Variants in SHISAL2A observed in about 807,000 individuals in gnomAD.
SHISAL2A encodes the protein shisa like 2A.
SHISAL2A carries 18 observed loss-of-function variants against 11.5 expected under a neutral mutation model. The ratio of observed to expected loss-of-function variants is 1.57; its 90% CI spans 1.08 to 2.33. The LOEUF (loss-of-function observed/expected upper bound fraction) is 2.33, where lower values mean the gene tolerates loss of function less well. Ranked by LOEUF, SHISAL2A falls within the 30% of genes most tolerant of loss-of-function variation. SHISAL2A has a pLI of 0.00. For synonymous variants in SHISAL2A, 94 were observed against 99.6 expected, an observed-to-expected ratio of 0.94 and a Z score of 0.34; for missense variants, 261 against 250.9, an observed-to-expected ratio of 1.04 and a Z score of -0.27.
upstream of SHISAL2A, among the ~76,000 whole-genome samples, chr1:52,633,122 G>T (rs892653290): frequency 2.6e-5 from 4 of 152,312 alleles, no homozygotes; most frequent in Admixed American, 6.5e-5. This position sits in a 1 kb window ranked among gnomAD's most constrained non-coding sequence, Gnocchi z 6.4. Flanking sequence ...CAGCGCCCTC[G>T]TGCAGGCAGG....
At chr1:52,653,639 A>C (rs1453051746) in intron 2 of SHISAL2A, among the ~76,000 whole-genome samples, 2 of 152,160 alleles carry the variant, frequency 1.3e-5, no homozygotes, top group African/African-American at 2.4e-5. Flanking sequence ...CAAAAAAAAA[A>C]CTACAAAATG....
At chr1:52,653,929 G>A (rs1269919561) in intron 2 of SHISAL2A, among the ~76,000 whole-genome samples, 1 of 152,046 alleles carries the variant, frequency 6.6e-6, no homozygotes, top group African/African-American at 2.4e-5. Context: ...AGTAGTAACC[G>A]AGATCCAGAG....
intron 2 of SHISAL2A, among the ~76,000 whole-genome samples, chr1:52,653,460 AAAAAAAAG>A (rs1571696019): frequency 6.6e-6 from 1 of 151,576 alleles, no homozygotes; most frequent in African/African-American, 2.4e-5. Context: ...ACTCTGTCTC[AAAAAAAAG>A]AAAACTACAA....
chr1:52,645,747 G>T (rs536431239), intron 2 of SHISAL2A, among the ~76,000 whole-genome samples: 9 of 152,198 alleles, frequency 5.9e-5, no homozygotes, highest in Non-Finnish European at 1.2e-4. Flanking sequence ...AGACATAAAA[G>T]AACCTGACTA....
chr1:52,667,808 AT>A (rs1163075673), intron 5 of SHISAL2A: 3 of 152,236 alleles, frequency 2.0e-5, no homozygotes, highest in African/African-American at 4.8e-5. Flanking sequence ...GCCCCTTTGC[AT>A]CCTTTCTGCT....
At chr1:52,645,149 G>A (rs887688611) in intron 2 of SHISAL2A, among the ~76,000 whole-genome samples, 5 of 152,048 alleles carry the variant, frequency 3.3e-5, no homozygotes, top group Non-Finnish European at 7.4e-5. Context: ...TTGTAAACAC[G>A]AATTTTCCAA....
chr1:52,637,130 C>T (rs1412231367), intron 1 of SHISAL2A, among the ~76,000 whole-genome samples: 1 of 152,156 alleles, frequency 6.6e-6, no homozygotes, highest in African/African-American at 2.4e-5. Context: ...TCTGGGGTAA[C>T]ATCCCATGTC....
intron 4 of SHISAL2A, among the ~76,000 whole-genome samples, chr1:52,665,577 A>G (rs1017500751): frequency 3.9e-5 from 6 of 152,052 alleles, no homozygotes; most frequent in African/African-American, 1.4e-4. Context: ...TTCATTACAC[A>G]TTTTTCTTCC....
At chr1:52,647,863 G>T (rs1377203132) in intron 2 of SHISAL2A, among the ~76,000 whole-genome samples, 1 of 148,752 alleles carries the variant, frequency 6.7e-6, no homozygotes, top group Non-Finnish European at 1.5e-5. Context: ...AAGAAAAAAA[G>T]AAAAATCTTT....
chr1:52,638,935 G>T (rs1253084093), intron 1 of SHISAL2A, among the ~76,000 whole-genome samples: 1 of 152,228 alleles, frequency 6.6e-6, no homozygotes, highest in Non-Finnish European at 1.5e-5. Flanking sequence ...GGCCAGGATA[G>T]CCAAGGCGGG....
chr1:52,664,513 G>A (rs533284437), intron 4 of SHISAL2A, among the ~76,000 whole-genome samples: 8 of 150,790 alleles, frequency 5.3e-5, no homozygotes, highest in Non-Finnish European at 1.2e-4. Flanking sequence ...GTGCCACCAT[G>A]CCCGGCTAAT....
rs779462327 is a variant in SHISAL2A, at chr1:52,633,595, C to T, written c.102C>T (p.Cys34=). The T allele has an allele frequency of 3.1e-6, 5 of 1,612,160 alleles. No individual in the cohort carries two copies. Among genetic ancestry groups the T allele is most frequent in the Non-Finnish European group, 4.2e-6 (5 of 1,179,306 alleles). The part of the protein sequence containing the change: ...PGGEAAAVFC[C]GFRDHKYCCD... ...GCGAGGCGGCCGCTGTCTTCTGCTGCGGCTTCCGCGACCACAAGTACTGCT... is the reference window on the plus strand; with the variant it reads ...GCGAGGCGGCCGCTGTCTTCTGCTGTGGCTTCCGCGACCACAAGTACTGCT... The change falls in exon 1 of 3, where the codon TGC becomes TGT. Residue 34 remains cysteine, a synonymous_variant. Coordinates refer to ENST00000517870, the MANE Select transcript of SHISAL2A (RefSeq NM_001042693.3). This position sits in a 1 kb window ranked among gnomAD's most constrained non-coding sequence, Gnocchi z 6.4.
chr1:52,662,226 C>T (rs1046730888), intron 4 of SHISAL2A, among the ~76,000 whole-genome samples: 4 of 152,104 alleles, frequency 2.6e-5, no homozygotes, highest in African/African-American at 9.7e-5. Context: ...AGTCTGGAAG[C>T]CTTCATGGAG....
At chr1:52,651,249 T>C (rs1341481295) in intron 2 of SHISAL2A, among the ~76,000 whole-genome samples, 3 of 152,140 alleles carry the variant, frequency 2.0e-5, no homozygotes, top group African/African-American at 4.8e-5. Flanking sequence ...TGTTTTTTGT[T>C]TTTTTTGAGA....
chr1:52,657,524 A>C (rs185284909), downstream of SHISAL2A, among the ~76,000 whole-genome samples: 1 of 152,052 alleles, frequency 6.6e-6, no homozygotes, highest in Non-Finnish European at 1.5e-5. Flanking sequence ...GCGTCATTCT[A>C]TTTCTTAGGT....
At chr1:52,640,324 G>A (rs746076229) in intron 1 of SHISAL2A, among the ~76,000 whole-genome samples, 2 of 152,100 alleles carry the variant, frequency 1.3e-5, no homozygotes, top group Non-Finnish European at 2.9e-5. Flanking sequence ...GAGAAGAAAG[G>A]GTAGGCAAGG....
At chr1:52,644,789 G>A (rs192701418) in intron 2 of SHISAL2A, among the ~76,000 whole-genome samples, 5 of 152,120 alleles carry the variant, frequency 3.3e-5, no homozygotes, top group African/African-American at 1.2e-4. Context: ...AGGCCAGGGC[G>A]GGCGGATCAC....
intron 1 of SHISAL2A, among the ~76,000 whole-genome samples, chr1:52,634,115 A>G (rs1185503884): frequency 1.3e-5 from 2 of 152,022 alleles, no homozygotes; most frequent in African/African-American, 4.8e-5. Flanking sequence ...CACACTCCCC[A>G]GTACTGACCC....
At chr1:52,669,545 A>T (rs1692071711) in exon 6 of SHISAL2A, 2 of 151,962 alleles carry the variant, frequency 1.3e-5, no homozygotes, top group South Asian at 4.1e-4. Context: ...ACATGCCTGT[A>T]AACCTAGCTA....
Sources: allele counts gnomAD v4.1 joint callset (sites outside exome capture counted in the v4.1 genomes callset), GRCh38; gene constraint gnomAD v4.1.1; non-coding constraint Gnocchi (gnomAD v3.1); transcripts MANE v1.5; gene names NCBI Gene and HGNC (gene_info 2026-07-23, HGNC 2026-07-21).